MYH15: variants seen among roughly 807,000 people sequenced by gnomAD.
MYH15 encodes the protein myosin heavy chain 15.
MYH15 carries 227 observed loss-of-function variants against 240.5 expected under a neutral mutation model. The ratio of observed to expected loss-of-function variants is 0.94; its 90% CI spans 0.85 to 1.05. The LOEUF (loss-of-function observed/expected upper bound fraction) is 1.05. MYH15 is among the 50% of genes least tolerant of loss of function. MYH15 has a pLI of 0.00. For missense variants in MYH15, 2,217 were observed against 2,247.5 expected (o/e 0.99, Z 0.27); for synonymous variants, 785 against 796.7 (o/e 0.99, Z 0.25).
chr3:108,435,826 A>G (rs1444492768), intron 25 of MYH15, among the ~76,000 whole-genome samples: 2 of 139,532 alleles, frequency 1.4e-5, no homozygotes, highest in African/African-American at 5.2e-5. Flanking sequence ...ATATACATAT[A>G]TGTATATGTA....
At chr3:108,396,278 A>G (rs2082460039) in intron 35 of MYH15, among the ~76,000 whole-genome samples, 1 of 152,240 alleles carries the variant, frequency 6.6e-6, no homozygotes, top group South Asian at 2.1e-4. Flanking sequence ...TAAGTACTAT[A>G]GACCAGCGGT....
chr3:108,540,022 T>C, the MYH15 span, among the ~76,000 whole-genome samples: 11 of 152,176 alleles, frequency 7.2e-5, no homozygotes, highest in African/African-American at 2.4e-4. Flanking sequence ...ATCTCACTTA[T>C]ATCCATGTGA....
At position 108,428,887 on chromosome 3, in the gene MYH15, G is replaced by T. The variant is rs369854299; in HGVS notation, c.3313-6C>A. The T allele has an allele frequency of 5.8e-5, 92 of 1,584,616 alleles. 1 individual carries two copies. Among genetic ancestry groups the T allele is most frequent in the Non-Finnish European group, 7.4e-5 (87 of 1,170,034 alleles). Reference sequence around the variant, plus strand: ...TTCAAATCCTTTATTTGAGTCTGTAGCAAGAAATAATTTTGACTTTTACTA... The same window carrying T: ...TTCAAATCCTTTATTTGAGTCTGTATCAAGAAATAATTTTGACTTTTACTA... On this transcript the variant is annotated splice_polypyrimidine_tract_variant and splice_region_variant and intron_variant, in intron 26 of 40. Coordinates refer to ENST00000693548, the MANE Select transcript of MYH15 (RefSeq NM_014981.3).
upstream of MYH15, among the ~76,000 whole-genome samples, chr3:108,511,126 G>T (rs2083519866): frequency 6.6e-6 from 1 of 152,000 alleles, no homozygotes; most frequent in Non-Finnish European, 1.5e-5. Context: ...AGGCGTGGAG[G>T]GGGGTTTCGA....
intron 21 of MYH15, among the ~76,000 whole-genome samples, chr3:108,452,253 C>A (rs1402081515): frequency 1.3e-5 from 2 of 152,104 alleles, no homozygotes; most frequent in Non-Finnish European, 2.9e-5. Context: ...AAGTGCCACT[C>A]AAAGTGTGTG....
At chr3:108,414,565 T>G in intron 29 of MYH15, 137 bp from the exon 30 acceptor site, 1 of 680,104 alleles carries the variant, frequency 1.5e-6, no homozygotes, top group Non-Finnish European at 2.4e-6. Flanking sequence ...CCTAGTAAGA[T>G]AACACTAGGG....
Position 108,384,719 on chromosome 3 carries a change from C to G in MYH15, c.5599G>C (p.Val1867Leu). ...TCGACTTGCTGCTTGTAATTTTGCA[C>G]TTTTAGCTGAAGTTTATCCATCTGA... ...QTQMDKLQLK[V>L]QNYKQQVEVA... is the part of the protein sequence containing the mutation. The change falls in exon 39 of 41, where the codon GTG becomes CTG. Residue 1867 changes from valine to leucine, a missense_variant. Transcript: ENST00000693548. 1 of 1,613,866 alleles carries G rather than the reference C, an allele frequency of 6.2e-7. No individual in the cohort carries two copies. The highest frequency in any genetic ancestry group is 8.5e-7 in the Non-Finnish European group (1 of 1,179,870).
At chr3:108,430,611 C>A (rs2082770858) in intron 26 of MYH15, among the ~76,000 whole-genome samples, 3 of 152,136 alleles carry the variant, frequency 2.0e-5, no homozygotes, top group Admixed American at 2.0e-4. Context: ...AGCAAACAGT[C>A]AACCAATTAG....
chr3:108,457,632 A>T (rs1364867216), intron 18 of MYH15, among the ~76,000 whole-genome samples: 3 of 86,172 alleles, frequency 3.5e-5, no homozygotes, highest in South Asian at 3.3e-4. Context: ...CATGAAAAAT[A>T]AAAAAAAAAA....
intron 4 of MYH15, 91 bp downstream of exon 4, chr3:108,500,027 C>G: frequency 1.4e-6 from 2 of 1,392,658 alleles, no homozygotes; most frequent in Non-Finnish European, 1.9e-6. Context: ...AAAGGCCATG[C>G]TCTGCTCACA....
intron 38 of MYH15, among the ~76,000 whole-genome samples, chr3:108,387,572 G>C (rs571534196): frequency 1.6e-4 from 25 of 151,648 alleles, no homozygotes; most frequent in African/African-American, 5.8e-4. Context: ...TAATGAAGTT[G>C]TTTACAGAAT....
rs184075952 is a variant in MYH15 at position 108,453,295 on chromosome 3, A to C, written c.2399+711T>G. ...AATATCTTTGACATCACCATGTAATAATCTTTTTCTCTTGGGAAAAAACAG... is the reference window on the plus strand; with the variant it reads ...AATATCTTTGACATCACCATGTAATCATCTTTTTCTCTTGGGAAAAAACAG... On this transcript the variant is annotated intron_variant, in intron 21 of 40. Coordinates refer to ENST00000693548, the MANE Select transcript of MYH15 (RefSeq NM_014981.3). 5.3e-5 allele frequency among the ~76,000 whole-genome samples: 8 copies of C among 152,338 alleles called. No homozygotes were observed. The East Asian group carries it at 1.5e-3, about 29-fold the overall frequency.
At chr3:108,478,681 A>T (rs947165862) in intron 11 of MYH15, among the ~76,000 whole-genome samples, 10 of 86,220 alleles carry the variant, frequency 1.2e-4, no homozygotes, top group African/African-American at 2.7e-4. Context: ...GTCCAGGTTT[A>T]AAAAAAAAAA....
intron 7 of MYH15, 136 bp from the exon 8 acceptor site, chr3:108,493,313 A>T: frequency 1.6e-6 from 1 of 642,828 alleles, no homozygotes; most frequent in Non-Finnish European, 2.7e-6. Flanking sequence ...ACAAAAAAAA[A>T]AAAGAAAGAA....
chr3:108,396,390 G>A (rs2082461196), intron 35 of MYH15, among the ~76,000 whole-genome samples: 2 of 152,150 alleles, frequency 1.3e-5, no homozygotes, highest in Admixed American at 6.5e-5. Context: ...CTCAGATTAT[G>A]AGGCATTAGA....
chr3:108,403,336 CT>C (rs139437463), intron 33 of MYH15, among the ~76,000 whole-genome samples: 19,060 of 152,206 alleles, frequency 0.13, 1,524 homozygotes, highest in Non-Finnish European at 0.18. Flanking sequence ...CTTTAACTTA[CT>C]TACCAGGTCC....
chr3:108,533,754 T>G (rs953907214), upstream of MYH15, among the ~76,000 whole-genome samples: 2 of 152,174 alleles, frequency 1.3e-5, no homozygotes, highest in Non-Finnish European at 2.9e-5. Context: ...TTATTAGGAC[T>G]TGGTTTTAAT....
chr3:108,414,100 G>T, intron 30 of MYH15, 132 bp downstream of exon 30: 2 of 854,388 alleles, frequency 2.3e-6, no homozygotes, highest in Non-Finnish European at 1.8e-6. Flanking sequence ...TTTCAGCTTT[G>T]GTTTTGGGCT....
Position 108,475,050 on chromosome 3 carries a change from G to C in MYH15, c.1233+1347C>G, listed in dbSNP as rs146244270. On this transcript the variant is annotated intron_variant, in intron 12 of 40. Transcript: ENST00000693548. ...TAAGCTAAATTAATAAATTGATTTT[G>C]ATCAGTCATTTAAATGTTTTAAATA... 4.6e-5 allele frequency among the ~76,000 whole-genome samples: 7 copies of C among 152,196 alleles called. 1 individual carries two copies. Among genetic ancestry groups the C allele is most frequent in the African/African-American group, 1.4e-4 (6 of 41,528 alleles).
Sources: allele counts gnomAD v4.1 joint callset (sites outside exome capture counted in the v4.1 genomes callset), GRCh38; gene constraint gnomAD v4.1.1; transcripts MANE v1.5; gene names NCBI Gene and HGNC (gene_info 2026-07-23, HGNC 2026-07-21).